The following SRRM3 variants were observed in gnomAD, a reference collection of about 807,000 sequenced individuals.
SRRM3 encodes the protein serine/arginine repetitive matrix 3.
SRRM3 carries 27 observed loss-of-function variants against 66.2 expected under a neutral mutation model. That is an observed-to-expected ratio of 0.41 (90% confidence interval 0.30 to 0.56). SRRM3 has a LOEUF of 0.56. Among genes scored for constraint, SRRM3 ranks in the 20% least tolerant of loss-of-function variants. The probability of loss-of-function intolerance (pLI) is 0.32; values close to 1 mark genes in which losing one functional copy is unlikely to be tolerated. For missense variants in SRRM3, 918 were observed against 991.9 expected (o/e 0.93, Z 1.00); for synonymous variants, 391 against 414.9 (o/e 0.94, Z 0.70).
At chr7:76,221,217 CCA>C (rs1463361549) in intron 1 of SRRM3, among the ~76,000 whole-genome samples, 3 of 151,914 alleles carry the variant, frequency 2.0e-5, no homozygotes, top group African/African-American at 7.3e-5. Flanking sequence ...GCCACCACAC[CCA>C]GTTAATTTTT....
chr7:76,257,688 G>T (rs564747274), intron 3 of SRRM3, among the ~76,000 whole-genome samples: 1 of 151,854 alleles, frequency 6.6e-6, no homozygotes, highest in Non-Finnish European at 1.5e-5. Context: ...TGGGAGGATC[G>T]CTTGAGGCCA....
intron 11 of SRRM3, among the ~76,000 whole-genome samples, chr7:76,278,004 G>A (rs542505909): frequency 3.9e-5 from 6 of 152,322 alleles, no homozygotes; most frequent in South Asian, 2.1e-4. Context: ...CCAGGGTATA[G>A]GACAGAAACT....
chr7:76,224,228 C>A (rs1490509269), intron 1 of SRRM3, among the ~76,000 whole-genome samples: 1 of 147,726 alleles, frequency 6.8e-6, no homozygotes, highest in African/African-American at 2.5e-5. Context: ...TACAGGCGCA[C>A]ACTGCCAGTC....
intron 11 of SRRM3, among the ~76,000 whole-genome samples, chr7:76,277,547 T>A (rs1374289932): frequency 6.6e-6 from 1 of 151,510 alleles, no homozygotes; most frequent in Admixed American, 6.6e-5. Flanking sequence ...TACAAAAAAA[T>A]TAGCTTGACA....
At chr7:76,267,514 A>G (rs1583929530) in intron 11 of SRRM3, 79 bp downstream of exon 11, 1 of 231,758 alleles carries the variant, frequency 4.3e-6, no homozygotes, top group Non-Finnish European at 6.1e-6. Flanking sequence ...CCAGCGGGGC[A>G]GGGGGCGATA....
At chr7:76,244,605 A>G (rs191222046) in intron 2 of SRRM3, among the ~76,000 whole-genome samples, 12 of 151,474 alleles carry the variant, frequency 7.9e-5, no homozygotes, top group African/African-American at 2.7e-4. Flanking sequence ...GACTCATTCA[A>G]TTGGTCCCCA....
intron 2 of SRRM3, among the ~76,000 whole-genome samples, chr7:76,236,819 C>A (rs1197223925): frequency 1.3e-5 from 2 of 152,068 alleles, no homozygotes; most frequent in Non-Finnish European, 2.9e-5. Flanking sequence ...AGGACACACA[C>A]AAAGGAGGTT....
intron 1 of SRRM3, among the ~76,000 whole-genome samples, chr7:76,233,491 C>T (rs146989307): frequency 7.9e-5 from 12 of 152,244 alleles, no homozygotes; most frequent in African/African-American, 1.4e-4. Context: ...GCAGGGCACC[C>T]GGAGCTCTGT....
rs989846916 is a variant in SRRM3 at position 76,286,018 on chromosome 7, G to A, written c.*175G>A. 4.3e-6 allele frequency: 3 copies of A among 690,578 alleles called. No homozygotes were observed. The highest frequency in any genetic ancestry group is 7.4e-6 in the Non-Finnish European group (3 of 406,700). 42.8% of individuals were successfully genotyped at this position (690,578 alleles called of 1,614,324 possible). A position where few individuals can be genotyped will look rare whatever the true frequency, so the allele number is the denominator to read the frequency against. ...AGACTTTGAGGGTGGGCATCCAGTG[G>A]ACAAGGAGAAGCCAGATGTGCTGCT... On this transcript the variant is annotated 3_prime_UTR_variant, in exon 15 of 15. Transcript: ENST00000611745.
At position 76,205,550 on chromosome 7, in the gene SRRM3, T is replaced by A. The variant is rs564850834; in HGVS notation, c.-40+3483T>A. Among the ~76,000 whole-genome samples the A allele has an allele frequency of 4.6e-5, 7 of 152,276 alleles. No individual in the cohort carries two copies. The South Asian group carries it at 1.5e-3, about 32-fold the overall frequency. ...ACAACACCAGCTGCAAACTCTCCTA[T>A]TTTCCCCAAAATTCCATGAATAAGC... On this transcript the variant is annotated intron_variant, in intron 1 of 14. Transcript: ENST00000611745.
intron 2 of SRRM3, among the ~76,000 whole-genome samples, chr7:76,235,683 T>C (rs1203677238): frequency 2.0e-5 from 3 of 151,716 alleles, no homozygotes; most frequent in African/African-American, 4.8e-5. Flanking sequence ...CTGCCTAACA[T>C]GGTGAAACCC....
Position 76,235,256 on chromosome 7 carries a change from G to A in SRRM3, c.190G>A (p.Glu64Lys), listed in dbSNP as rs1554604706. 5.2e-6 allele frequency: 8 copies of A among 1,541,162 alleles called. No individual in the cohort carries two copies. The highest frequency in any genetic ancestry group is 6.9e-6 in the Non-Finnish European group (8 of 1,151,388). ...ILDHERKRRV[E>K]LKCMELQEMM... Reference sequence around the variant, plus strand: ...GGACCACGAGCGCAAGCGGCGGGTGGAGCTCAAGTGCATGGAGCTGCAGGA... The same window carrying A: ...GGACCACGAGCGCAAGCGGCGGGTGAAGCTCAAGTGCATGGAGCTGCAGGA... The change falls in exon 2 of 15, where the codon GAG (glutamate) becomes AAG (lysine). Residue 64 changes from glutamate (E) to lysine (K), a missense_variant. Transcript: ENST00000611745.
At chr7:76,281,857 C>T in intron 12 of SRRM3, 55 bp downstream of exon 12, 3 of 1,165,490 alleles carry the variant, frequency 2.6e-6, no homozygotes, top group South Asian at 2.5e-5. Flanking sequence ...ACAGGGCTCC[C>T]CTCCACTAGC....
chr7:76,224,143 C>T (rs551850481), intron 1 of SRRM3, among the ~76,000 whole-genome samples: 3 of 122,958 alleles, frequency 2.4e-5, no homozygotes, highest in South Asian at 6.5e-4. Context: ...TGCAGTGACA[C>T]GATCACAGCT....
At chr7:76,274,213 G>A (rs1802282232) in intron 11 of SRRM3, among the ~76,000 whole-genome samples, 1 of 152,236 alleles carries the variant, frequency 6.6e-6, no homozygotes, top group African/African-American at 2.4e-5. Context: ...CAGGCACAAG[G>A]GAAAAGCCCC....
chr7:76,253,583 T>G (rs1801633428), intron 3 of SRRM3, among the ~76,000 whole-genome samples: 1 of 151,582 alleles, frequency 6.6e-6, no homozygotes. Flanking sequence ...ATCGTGCCAC[T>G]GCACTCCAGC....
chr7:76,267,213 G>C (rs1304332279), intron 10 of SRRM3, 45 bp from the exon 11 acceptor site: 1 of 1,457,824 alleles, frequency 6.9e-7, no homozygotes, highest in East Asian at 2.8e-5. Flanking sequence ...TGCAAAGCGG[G>C]TGTCCCACGC....
At chr7:76,270,999 C>G (rs67058039) in intron 11 of SRRM3, among the ~76,000 whole-genome samples, 15,484 of 151,772 alleles carry the variant, frequency 0.1, 987 homozygotes, top group East Asian at 0.24. Context: ...CCATCTTGAT[C>G]TCGAGACTGA....
chr7:76,272,226 AG>A (rs1435076500), intron 11 of SRRM3, among the ~76,000 whole-genome samples: 1 of 152,066 alleles, frequency 6.6e-6, no homozygotes, highest in Non-Finnish European at 1.5e-5. Context: ...TTCCTGTCCC[AG>A]GGGCCACCTG....
Sources: gnomAD v4.1 joint callset for allele counts (sites outside exome capture counted in the v4.1 genomes callset) on GRCh38, gnomAD v4.1.1 for gene constraint, MANE v1.5 for transcripts, NCBI Gene and HGNC (gene_info 2026-07-23, HGNC 2026-07-21) for gene names.